The following PEAK1 variants were observed in gnomAD, a reference collection of about 807,000 sequenced individuals.
The protein encoded by PEAK1 is inactive tyrosine-protein kinase PEAK1.
Under a neutral mutation model 124.7 loss-of-function variants are expected in PEAK1, and 54 were observed. The observed-to-expected ratio is 0.43, with a 90% confidence interval of 0.35 to 0.54. The LOEUF (loss-of-function observed/expected upper bound fraction) is 0.54. Ranked by LOEUF, PEAK1 falls within the 20% of genes least tolerant of loss-of-function variation. The probability of loss-of-function intolerance (pLI) is 0.01; values close to 1 mark genes in which losing one functional copy is unlikely to be tolerated. For synonymous variants in PEAK1, 719 were observed against 760.0 expected (o/e 0.95, Z 0.89); for missense variants, 2,046 against 2,134.5 (o/e 0.96, Z 0.82).
rs866528938 is a variant in PEAK1, at chr15:77,324,276, C to T, written c.-602-37772G>A. Reference sequence around the variant, plus strand: ...GTAAATCACTTGAGGCCAGGAGTTCCGAGACCAGCATGGCCCACATGGTGA... The same window carrying T: ...GTAAATCACTTGAGGCCAGGAGTTCTGAGACCAGCATGGCCCACATGGTGA... On this transcript the variant is annotated intron_variant, in intron 2 of 9. Transcript: ENST00000682557. Among the ~76,000 whole-genome samples the T allele has an allele frequency of 2.1e-3, 316 of 152,112 alleles. 2 individuals are homozygous for T. The highest frequency in any genetic ancestry group is 6.9e-3 in the African/African-American group (287 of 41,516).
At chr15:77,258,668 C>A (rs567302315) in intron 5 of PEAK1, among the ~76,000 whole-genome samples, 1 of 152,312 alleles carries the variant, frequency 6.6e-6, no homozygotes, top group African/African-American at 2.4e-5. Flanking sequence ...ATGTCATCTG[C>A]AAACAGGGAC....
chr15:77,129,442 G>A (rs965838813), intron 9 of PEAK1, among the ~76,000 whole-genome samples: 6 of 139,060 alleles, frequency 4.3e-5, no homozygotes, highest in Admixed American at 7.2e-5. Flanking sequence ...TTCTACCACT[G>A]ATTTTTTTTT....
chr15:77,102,242 T>C (rs1382342674), exon 7 of PEAK1: 2 of 152,268 alleles, frequency 1.3e-5, no homozygotes, highest in Non-Finnish European at 2.9e-5. Context: ...TTCTCTGTTC[T>C]CATCTATTAG....
chr15:77,138,286 A>G (rs2053499389), intron 8 of PEAK1, among the ~76,000 whole-genome samples: 2 of 152,170 alleles, frequency 1.3e-5, no homozygotes, highest in Non-Finnish European at 2.9e-5. Flanking sequence ...ACTTACCATG[A>G]AAGGAGCCTG....
chr15:77,391,567 A>G (rs2070461491), intron 1 of PEAK1, among the ~76,000 whole-genome samples: 1 of 151,912 alleles, frequency 6.6e-6, no homozygotes, highest in Admixed American at 6.6e-5. Context: ...TGCCAACTTG[A>G]AATGAAAAGC....
chr15:77,318,523 A>G (rs2065010539), intron 2 of PEAK1, among the ~76,000 whole-genome samples: 1 of 152,150 alleles, frequency 6.6e-6, no homozygotes, highest in Admixed American at 6.5e-5. Context: ...AGAGCTGTCC[A>G]ACGACAGAGT....
At chr15:77,105,449 T>C (rs903766352), downstream of PEAK1, 1 of 152,148 alleles carries the variant, frequency 6.6e-6, no homozygotes, top group Non-Finnish European at 1.5e-5. Flanking sequence ...TTTTAGAGGT[T>C]TGCAAATTTG....
intron 2 of PEAK1, chr15:77,349,784 C>G (rs1004443875): frequency 1.0e-6 from 1 of 984,870 alleles, no homozygotes; most frequent in African/African-American, 1.7e-5. Context: ...AATTAGGTTA[C>G]AAATACTGCA....
intron 6 of PEAK1, among the ~76,000 whole-genome samples, chr15:77,240,349 G>A (rs2060299464): frequency 1.3e-5 from 2 of 152,106 alleles, no homozygotes; most frequent in South Asian, 4.1e-4. Flanking sequence ...GCTGGGTGTA[G>A]TGGCTCACAC....
intron 9 of PEAK1, among the ~76,000 whole-genome samples, chr15:77,127,272 A>G (rs752899881): frequency 1.3e-4 from 20 of 152,224 alleles, no homozygotes; most frequent in East Asian, 1.9e-4. Flanking sequence ...TCCAGCCTCC[A>G]TAACTGTGAG....
chr15:77,355,820 A>G (rs2067482978), intron 2 of PEAK1: 1 of 985,270 alleles, frequency 1.0e-6, no homozygotes, highest in Non-Finnish European at 1.2e-6. Context: ...GAATTATAAT[A>G]GAAAAACTGC....
At chr15:77,159,825 T>G (rs1051051775) in intron 7 of PEAK1, among the ~76,000 whole-genome samples, 8 of 152,196 alleles carry the variant, frequency 5.3e-5, no homozygotes, top group African/African-American at 1.9e-4. Context: ...AGGAGTACCC[T>G]CTTATCAATT....
intron 9 of PEAK1, among the ~76,000 whole-genome samples, chr15:77,120,336 AT>A (rs1210671066): frequency 2.0e-5 from 3 of 151,966 alleles, no homozygotes; most frequent in Non-Finnish European, 4.4e-5. Flanking sequence ...GACCTACTTG[AT>A]TTCTTCCCAT....
intron 2 of PEAK1, among the ~76,000 whole-genome samples, chr15:77,310,700 A>G (rs1159140960): frequency 2.0e-5 from 3 of 152,212 alleles, no homozygotes; most frequent in Admixed American, 6.5e-5. Context: ...GCTCTACTAT[A>G]TAAGTTTATG....
chr15:77,161,285 C>G (rs1276741718), intron 7 of PEAK1, among the ~76,000 whole-genome samples: 1 of 152,186 alleles, frequency 6.6e-6, no homozygotes, highest in Non-Finnish European at 1.5e-5. Context: ...CTTAATATCA[C>G]TCACTGCACC....
At chr15:77,141,029 G>A (rs375249845) in intron 8 of PEAK1, among the ~76,000 whole-genome samples, 12 of 152,078 alleles carry the variant, frequency 7.9e-5, no homozygotes, top group African/African-American at 2.9e-4. Flanking sequence ...TGTACAGGAG[G>A]TTCTAGTCAG....
At chr15:77,174,286 T>C (rs1008895295) in intron 7 of PEAK1, among the ~76,000 whole-genome samples, 14 of 152,216 alleles carry the variant, frequency 9.2e-5, no homozygotes, top group African/African-American at 3.1e-4. Flanking sequence ...TTTTTTCGTT[T>C]TTCATTCTTC....
chr15:77,361,324 T>C (rs866656304), intron 2 of PEAK1, among the ~76,000 whole-genome samples: 1 of 152,098 alleles, frequency 6.6e-6, no homozygotes, highest in Non-Finnish European at 1.5e-5. Flanking sequence ...CCTGTAGTCC[T>C]GTCTACTTAG....
At chr15:77,374,162 A>C (rs1321837554) in intron 1 of PEAK1, among the ~76,000 whole-genome samples, 1 of 152,206 alleles carries the variant, frequency 6.6e-6, no homozygotes, top group Non-Finnish European at 1.5e-5. Context: ...TGTCTTGGAT[A>C]GGAACACAAG....
Sources: allele counts gnomAD v4.1 joint callset (sites outside exome capture counted in the v4.1 genomes callset), GRCh38; gene constraint gnomAD v4.1.1; transcripts MANE v1.5; gene names NCBI Gene and HGNC (gene_info 2026-07-23, HGNC 2026-07-21).